UVSSA: variants seen among roughly 807,000 people sequenced by gnomAD.
UVSSA encodes UV-stimulated scaffold protein A.
In UVSSA, 72 loss-of-function variants were observed where a neutral mutation model predicts 73.9. The ratio of observed to expected loss-of-function variants is 0.97; its 90% CI spans 0.81 to 1.19. The LOEUF is 1.19. UVSSA is among the 50% of genes most tolerant of loss of function. The pLI, the probability that UVSSA is intolerant of heterozygous loss-of-function variation, is 0.00. For synonymous variants in UVSSA, 454 were observed against 391.3 expected (o/e 1.16, Z -1.89); for missense variants, 1,150 against 965.0 (o/e 1.19, Z -2.54).
chr4:1,381,924 A>G (rs960963388), intron 12 of UVSSA, among the ~76,000 whole-genome samples: 9 of 151,914 alleles, frequency 5.9e-5, no homozygotes, highest in South Asian at 4.2e-4. Flanking sequence ...TCACCTCCCA[A>G]AATGCTGGGA....
chr4:1,353,472 C>T, intron 5 of UVSSA, 59 bp downstream of exon 5: 1 of 1,433,856 alleles, frequency 7.0e-7, no homozygotes, highest in South Asian at 1.5e-5. Context: ...GGGTAGGCTC[C>T]TCCCTCACTG....
chr4:1,376,775 C>T (rs536042434), intron 10 of UVSSA, among the ~76,000 whole-genome samples: 7 of 152,330 alleles, frequency 4.6e-5, no homozygotes, highest in Admixed American at 4.6e-4. Flanking sequence ...CTCGCTGGCA[C>T]GGCCTATCGG....
Position 1,380,107 on chromosome 4 carries a change from C to T in UVSSA, c.1629C>T (p.Ala543=), listed in dbSNP as rs199552593. 8 of 1,612,618 alleles carry T rather than the reference C, an allele frequency of 5.0e-6. No individual in the cohort carries two copies. The Admixed American group carries it at 6.7e-5, about 13-fold the overall frequency. ...PSEVEEEVVN[A]DISEMLRSRH... is the part of the protein sequence containing the mutation. ...AGGTGGAGGAGGAAGTGGTCAATGCCGACATCTCCGAGATGCTCCGGAGCC... is the reference window on the plus strand; with the variant it reads ...AGGTGGAGGAGGAAGTGGTCAATGCTGACATCTCCGAGATGCTCCGGAGCC... The change falls in exon 11 of 14, where the codon GCC becomes GCT. Residue 543 remains alanine, a synonymous_variant. Coordinates refer to ENST00000389851, the MANE Select transcript of UVSSA (RefSeq NM_020894.4).
At chr4:1,379,400 GC>G (rs1719164704) in intron 10 of UVSSA, among the ~76,000 whole-genome samples, 2 of 152,162 alleles carry the variant, frequency 1.3e-5, no homozygotes, top group South Asian at 4.1e-4. Flanking sequence ...GGCACACCCA[GC>G]CCCCCCATCC....
chr4:1,372,427 G>A (rs765132111), intron 8 of UVSSA, among the ~76,000 whole-genome samples: 2 of 152,126 alleles, frequency 1.3e-5, no homozygotes, highest in South Asian at 4.1e-4. Context: ...TGTTGTGCTG[G>A]TTTTTATTCT....
chr4:1,350,342 G>A (rs900339373), intron 3 of UVSSA, among the ~76,000 whole-genome samples: 5 of 152,048 alleles, frequency 3.3e-5, no homozygotes, highest in African/African-American at 7.2e-5. Context: ...AGACCCTACC[G>A]TGCCCCTTAC....
chr4:1,346,326 C>T (rs917969136), upstream of UVSSA, among the ~76,000 whole-genome samples: 2 of 152,050 alleles, frequency 1.3e-5, no homozygotes, highest in African/African-American at 2.4e-5. Context: ...GCCCCGGGAG[C>T]CCAGTCGGGC....
intron 12 of UVSSA, among the ~76,000 whole-genome samples, chr4:1,383,075 G>A (rs186364156): frequency 1.8e-4 from 27 of 152,334 alleles, no homozygotes; most frequent in Non-Finnish European, 2.4e-4. Context: ...TCTGCACGGT[G>A]GGTACTCTCA....
intron 7 of UVSSA, 63 bp downstream of exon 7, chr4:1,355,308 TG>T (rs1337480588): frequency 1.7e-5 from 19 of 1,104,016 alleles, no homozygotes; most frequent in East Asian, 6.5e-5. Context: ...GGAGAAGCTG[TG>T]GGGGGGTTGT....
At position 1,379,908 on chromosome 4, in the gene UVSSA, G is replaced by GTTC. The variant is rs1553885857; in HGVS notation, c.1569-137_1569-135dup. On this transcript the variant is annotated intron_variant, in intron 10 of 13. Transcript: ENST00000389851. ...TTCAGACCCAGCCGGGAGTGACCGT[G>GTTC]TTCTCCCTGGGTGCTGTCCACAGTG... is the stretch of plus-strand genomic sequence containing the variant. 2.5e-3 allele frequency: 1,305 copies of GTTC among 526,368 alleles called. 199 individuals are homozygous for GTTC. The African/African-American group carries it at 0.063, about 25-fold the overall frequency. 32.6% of individuals were successfully genotyped at this position (526,368 alleles called of 1,614,324 possible).
intron 7 of UVSSA, chr4:1,358,017 C>T (rs1324337289): frequency 1.3e-5 from 2 of 152,328 alleles, no homozygotes; most frequent in Non-Finnish European, 2.9e-5. Flanking sequence ...GTGACTCTCA[C>T]ATGAGCATCT....
At chr4:1,355,050 C>A (rs1276486974) in intron 6 of UVSSA, 67 bp from the exon 7 acceptor site, 1 of 1,588,642 alleles carries the variant, frequency 6.3e-7, no homozygotes, top group African/African-American at 1.3e-5. Flanking sequence ...GCATGTGCCT[C>A]CCAGCAGGAC....
chr4:1,348,955 C>T (rs1395830920), intron 2 of UVSSA, among the ~76,000 whole-genome samples: 1 of 151,788 alleles, frequency 6.6e-6, no homozygotes, highest in African/African-American at 2.4e-5. Context: ...GCGTGCTGGG[C>T]GGTGTGCGTT....
upstream of UVSSA, among the ~76,000 whole-genome samples, chr4:1,344,377 C>T (rs1001608464): frequency 6.6e-6 from 1 of 152,010 alleles, no homozygotes; most frequent in Non-Finnish European, 1.5e-5. Flanking sequence ...ATGGTGAAAC[C>T]CTGTTTCTAC....
intron 5 of UVSSA, among the ~76,000 whole-genome samples, chr4:1,353,829 T>C (rs950067934): frequency 6.6e-6 from 1 of 152,138 alleles, no homozygotes; most frequent in Non-Finnish European, 1.5e-5. Flanking sequence ...CGTGTCGCCA[T>C]GAGGGGTCAG....
At chr4:1,347,869 TA>T (rs891580886) in intron 1 of UVSSA, 109 bp downstream of exon 1, 50 of 542,548 alleles carry the variant, frequency 9.2e-5, no homozygotes, top group African/African-American at 9.2e-4. Context: ...CACGGGATTG[TA>T]GAGGTCCCGA....
rs754778780 is a variant in UVSSA at position 1,380,987 on chromosome 4, G to A, written c.1860G>A (p.Pro620=). ...GGCAGCTGCAGAAGCAGGAGCGCCC[G>A]GGTAGGTCTGGGCAAGGCGGTCACC... The part of the protein sequence containing the change: ...QRRQLQKQER[P]EWQDPELMRD... Residue 620 remains proline, a splice_region_variant and synonymous_variant, in exon 12 of 14, where the codon CCG becomes CCA. Coordinates refer to ENST00000389851, the MANE Select transcript of UVSSA (RefSeq NM_020894.4). The A allele has an allele frequency of 5.6e-6, 9 of 1,611,606 alleles. No individual in the cohort carries two copies. Among genetic ancestry groups the A allele is most frequent in the African/African-American group, 1.3e-5 (1 of 75,046 alleles).
At chr4:1,381,112 A>G (rs1719446290) in intron 12 of UVSSA, 124 bp downstream of exon 12, 4 of 905,984 alleles carry the variant, frequency 4.4e-6, no homozygotes, top group East Asian at 5.4e-5. Context: ...TGGAGCTACA[A>G]GCCTCTCGGT....
At chr4:1,368,182 A>G (rs1717584115) in intron 8 of UVSSA, among the ~76,000 whole-genome samples, 1 of 152,186 alleles carries the variant, frequency 6.6e-6, no homozygotes, top group South Asian at 2.1e-4. Context: ...GCATCTTCAG[A>G]GTCTGGGAGC....
Sources: gnomAD v4.1 joint callset for allele counts (sites outside exome capture counted in the v4.1 genomes callset) on GRCh38, gnomAD v4.1.1 for gene constraint, MANE v1.5 for transcripts, NCBI Gene and HGNC (gene_info 2026-07-23, HGNC 2026-07-21) for gene names.